The following ANKRD55 variants were observed in gnomAD, a reference collection of about 807,000 sequenced individuals.
ANKRD55 encodes ankyrin repeat domain 55, also known as ankyrin repeat domain-containing protein 55.
In ANKRD55, 41 loss-of-function variants were observed where a neutral mutation model predicts 60.6. The ratio of observed to expected loss-of-function variants is 0.68; its 90% confidence interval spans 0.53 to 0.88. The LOEUF is 0.88. ANKRD55 is among the 40% of genes least tolerant of loss of function. ANKRD55 has a pLI of 0.00. For synonymous variants in ANKRD55, 264 were observed against 290.3 expected (o/e 0.91, Z 0.92); for missense variants, 732 against 767.6 (o/e 0.95, Z 0.55).
intron 4 of ANKRD55, among the ~76,000 whole-genome samples, chr5:56,173,558 CTCTCTCTCTCTCTCTCTCTCTCTCTATA>C (rs1361319119): frequency 3.0e-5 from 3 of 101,002 alleles, no homozygotes; most frequent in Admixed American, 1.0e-4. Context: ...CTCTCTCTCT[CTCTCTCTCTCTCTCTCTCTCTCTCTATA>C]TATATATATA....
rs1479478779 is a variant in ANKRD55 at position 56,203,650 on chromosome 5, A to G, written c.59-20016T>C. 2.0e-5 allele frequency among the ~76,000 whole-genome samples: 3 copies of G among 152,134 alleles called. No individual in the cohort carries two copies. In the East Asian group the frequency reaches 5.8e-4, roughly 29 times the overall value. Reference sequence around the variant, plus strand: ...GGTTTCCAGCTTCATCCATGTCCCTACAAAGGACATGAACTCATCATTTTT... The same window carrying G: ...GGTTTCCAGCTTCATCCATGTCCCTGCAAAGGACATGAACTCATCATTTTT... On this transcript the variant is annotated intron_variant, in intron 2 of 11. Coordinates refer to ENST00000341048, the MANE Select transcript of ANKRD55 (RefSeq NM_024669.3).
In ANKRD55 at chr5:56,111,423, A is replaced by C. The variant is rs1359413828; in HGVS notation, c.1325T>G (p.Leu442Arg). The stretch of plus-strand genomic sequence containing the variant: ...GGAGGCTGTTAGGAAGTTATTGCCC[A>C]GGGTGATGGGTGGGAGACTCTGCGT... ...IRTQSLPPIT[L>R]GNNFLTASHR... is the part of the protein sequence containing the mutation. Residue 442 changes from leucine to arginine, a missense_variant, in exon 10 of 12, where the codon CTG becomes CGG. Physicochemically the swap from Leu to Arg is moderately radical, Grantham distance 102. This residue lies in a region of ANKRD55 where 597 missense variants were observed against 607.5 expected (regional missense o/e 0.98). Transcript: ENST00000341048. 1 of 1,614,056 alleles carries C rather than the reference A, an allele frequency of 6.2e-7. No homozygotes were observed. The highest frequency in any genetic ancestry group is 8.5e-7 in the Non-Finnish European group (1 of 1,180,048).
At chr5:56,179,409 A>T (rs953633671) in intron 3 of ANKRD55, among the ~76,000 whole-genome samples, 3 of 152,322 alleles carry the variant, frequency 2.0e-5, no homozygotes, top group Middle Eastern at 6.8e-3. Flanking sequence ...GCGGTTAGTT[A>T]TTTTAGAGGA....
chr5:56,153,030 C>T (rs539389498), intron 6 of ANKRD55, among the ~76,000 whole-genome samples: 51 of 152,202 alleles, frequency 3.4e-4, no homozygotes, highest in African/African-American at 1.2e-3. Flanking sequence ...AAAGTATTTA[C>T]AACCCAACAG....
At chr5:56,221,141 A>T (rs1178293405) in intron 2 of ANKRD55, among the ~76,000 whole-genome samples, 1 of 152,136 alleles carries the variant, frequency 6.6e-6, no homozygotes, top group Non-Finnish European at 1.5e-5. Flanking sequence ...ACTGAGCCCA[A>T]ATCATTCCCT....
At chr5:56,178,331 C>T (rs57463708) in intron 3 of ANKRD55, among the ~76,000 whole-genome samples, 29,781 of 151,498 alleles carry the variant, frequency 0.2, 5,845 homozygotes, top group African/African-American at 0.5. Context: ...CGGGGATTAC[C>T]GGCGTGAGCC....
At chr5:56,168,663 G>A (rs1316731280) in intron 5 of ANKRD55, among the ~76,000 whole-genome samples, 1 of 152,176 alleles carries the variant, frequency 6.6e-6, no homozygotes, top group Non-Finnish European at 1.5e-5. Context: ...ATCGATGTGG[G>A]TCTTGGAACA....
intron 8 of ANKRD55, among the ~76,000 whole-genome samples, chr5:56,118,893 A>C (rs370730403): frequency 1.2e-4 from 19 of 152,240 alleles, no homozygotes; most frequent in African/African-American, 4.1e-4. Flanking sequence ...CAAACCAAAA[A>C]ACCCAAAGAG....
intron 2 of ANKRD55, among the ~76,000 whole-genome samples, chr5:56,231,483 C>A (rs1760250449): frequency 6.6e-6 from 1 of 152,144 alleles, no homozygotes; most frequent in African/African-American, 2.4e-5. Flanking sequence ...CATCATTTTT[C>A]AGCCAGTGTG....
chr5:56,204,060 T>C (rs528114921), intron 2 of ANKRD55, among the ~76,000 whole-genome samples: 1 of 152,338 alleles, frequency 6.6e-6, no homozygotes, highest in African/African-American at 2.4e-5. Flanking sequence ...GTGGTTTTGA[T>C]TTGCATTTCT....
Position 56,176,242 on chromosome 5 carries a change from C to T in ANKRD55, c.222G>A (p.Ala74=), listed in dbSNP as rs1218726690. 11 of 1,614,076 alleles carry T rather than the reference C, an allele frequency of 6.8e-6. No individual in the cohort carries two copies. The highest frequency in any genetic ancestry group is 1.6e-4 in the Middle Eastern group (1 of 6,084). The part of the protein sequence containing the change: ...PLMHAVSGRQ[A]DTVKLLLKMG... ...TCTTCAACAGCAGCTTCACTGTGTC[C>T]GCTTGACGTCCAGAAACCGCATGCA... is the stretch of plus-strand genomic sequence containing the variant. The change falls in exon 4 of 12, where the codon GCG becomes GCA. Residue 74 remains alanine (A), a synonymous_variant. Transcript: ENST00000341048.
chr5:56,111,248 C>G lies in ANKRD55; in HGVS notation c.1500G>C (p.Gln500His), dbSNP rs140646872. Residue 500 changes from glutamine (Q) to histidine (H), a missense_variant, in exon 10 of 12, where the codon CAG becomes CAC. Coordinates refer to ENST00000341048, the MANE Select transcript of ANKRD55 (RefSeq NM_024669.3). ...CAGTCCAAACTTTGTAGGAAAATAC[C>G]TGATTAGAATCACTCTTCCAGGGGT... ...LDNPWKSDSN[Q>H]VFSYKVWTVS... 2 of 1,613,788 alleles carry G rather than the reference C, an allele frequency of 1.2e-6. No individual in the cohort carries two copies. The highest frequency in any genetic ancestry group is 1.7e-6 in the Non-Finnish European group (2 of 1,179,666).
chr5:56,144,582 G>C (rs1003651872), intron 6 of ANKRD55, among the ~76,000 whole-genome samples: 14 of 151,902 alleles, frequency 9.2e-5, no homozygotes, highest in Admixed American at 6.6e-4. Context: ...TGGGATGGGG[G>C]ATAACTGTCT....
chr5:56,229,390 C>G (rs1258449228), intron 2 of ANKRD55, among the ~76,000 whole-genome samples: 1 of 152,128 alleles, frequency 6.6e-6, no homozygotes. Context: ...TCTGAAGACC[C>G]AGGCTTCCTC....
At chr5:56,224,804 A>G (rs576960422) in intron 2 of ANKRD55, among the ~76,000 whole-genome samples, 31 of 152,332 alleles carry the variant, frequency 2.0e-4, no homozygotes, top group African/African-American at 7.0e-4. Context: ...ATCCTTGAAT[A>G]GGACAATAAT....
At chr5:56,130,989 G>A (rs1329619211) in intron 7 of ANKRD55, among the ~76,000 whole-genome samples, 5 of 152,108 alleles carry the variant, frequency 3.3e-5, no homozygotes, top group South Asian at 2.1e-4. Context: ...CACAGACTGT[G>A]AGAGAACTAC....
In ANKRD55 at chr5:56,111,868, A is replaced by G. The variant is rs1437106183; in HGVS notation, c.966-86T>C. ...CCGAAATACCGACCCCCTATTCCAC[A>G]TGCTTCATCAGGTTTTCTGAGATCC... On this transcript the variant is annotated intron_variant, in intron 9 of 11. Transcript: ENST00000341048. 7.1e-6 allele frequency: 9 copies of G among 1,272,542 alleles called. No individual in the cohort carries two copies. In the East Asian group the frequency reaches 2.0e-4, roughly 29 times the overall value. 78.8% of individuals were successfully genotyped at this position (1,272,542 alleles called of 1,614,324 possible). A position where few individuals can be genotyped will look rare whatever the true frequency, so the allele number is the denominator to read the frequency against.
intron 6 of ANKRD55, among the ~76,000 whole-genome samples, chr5:56,156,711 C>T (rs529026588): frequency 3.3e-4 from 50 of 152,312 alleles, no homozygotes; most frequent in South Asian, 6.2e-4. Context: ...CTCCCTGCTT[C>T]GACACCATGG....
intron 10 of ANKRD55, among the ~76,000 whole-genome samples, chr5:56,102,853 C>T (rs936183122): frequency 6.6e-6 from 1 of 151,988 alleles, no homozygotes; most frequent in South Asian, 2.1e-4. Flanking sequence ...GGGTTACTCA[C>T]CCCATAAAAG....
Sources: allele counts gnomAD v4.1 joint callset (sites outside exome capture counted in the v4.1 genomes callset), GRCh38; gene constraint gnomAD v4.1.1; regional missense constraint gnomAD v4.1.1; transcripts MANE v1.5; gene names NCBI Gene and HGNC (gene_info 2026-07-23, HGNC 2026-07-21).